PTPRD: variants seen among roughly 807,000 people sequenced by gnomAD.
PTPRD encodes protein tyrosine phosphatase receptor type D.
PTPRD carries 34 observed loss-of-function variants against 214.5 expected under a neutral mutation model. The observed-to-expected ratio is 0.16, with a 90% confidence interval of 0.12 to 0.21. The LOEUF (loss-of-function observed/expected upper bound fraction) is 0.21. Ranked by LOEUF, PTPRD falls within the 10% of genes least tolerant of loss-of-function variation. The probability of loss-of-function intolerance (pLI) is 1.00; values close to 1 mark genes in which losing one functional copy is unlikely to be tolerated. For missense variants in PTPRD, 2,545 were observed against 2,398.7 expected (o/e 1.06, Z -1.27); for synonymous variants, 1,128 against 845.7 (o/e 1.33, Z -5.79).
intron 41 of PTPRD, 23 bp downstream of exon 41, chr9:8,341,067 G>A (rs1852000043): frequency 6.4e-7 from 1 of 1,562,330 alleles, no homozygotes; most frequent in Non-Finnish European, 8.7e-7. Context: ...GCTTTGGATA[G>A]TCAGGGGAGC....
In PTPRD at chr9:8,317,034, A is replaced by AAAAC. The variant is rs1186846880; in HGVS notation, c.*836_*839dup. The AAAAC allele has an allele frequency of 1.3e-4, 30 of 231,632 alleles. No homozygotes were observed. Among genetic ancestry groups the AAAAC allele is most frequent in the Non-Finnish European group, 2.3e-4 (27 of 116,834 alleles). 14.3% of individuals were successfully genotyped at this position (231,632 alleles called of 1,614,324 possible). ...GCGCCTCCCTGTTGATTCCAAAAAC[A>AAAAC]AAACAAAATAATAATTATCTTTGAT... On this transcript the variant is annotated 3_prime_UTR_variant, in exon 46 of 46. Transcript: ENST00000381196.
At chr9:8,850,776 G>A (rs1254222553) in intron 11 of PTPRD, among the ~76,000 whole-genome samples, 1 of 152,174 alleles carries the variant, frequency 6.6e-6, no homozygotes, top group Non-Finnish European at 1.5e-5. Flanking sequence ...TTTCAGTTAA[G>A]TTACTACTAC....
chr9:9,398,555 T>C (rs571628956), intron 8 of PTPRD, among the ~76,000 whole-genome samples: 2 of 152,160 alleles, frequency 1.3e-5, no homozygotes, highest in East Asian at 3.9e-4. Context: ...AACTTGACTG[T>C]TAAAGTCATA....
intron 7 of PTPRD, among the ~76,000 whole-genome samples, chr9:9,601,143 GTGTGTGTA>G (rs371528680): frequency 8.5e-6 from 1 of 117,332 alleles, no homozygotes; most frequent in Non-Finnish European, 1.8e-5. Context: ...GTGTGTGTGT[GTGTGTGTA>G]TGGGGGGGGG....
intron 2 of PTPRD, among the ~76,000 whole-genome samples, chr9:10,549,386 G>T (rs553757689): frequency 6.6e-6 from 1 of 152,100 alleles, no homozygotes; most frequent in Non-Finnish European, 1.5e-5. Flanking sequence ...AAAAAGGAAA[G>T]GGGAAAGTTG....
chr9:9,041,654 G>A (rs529778660), intron 10 of PTPRD, among the ~76,000 whole-genome samples: 3 of 152,292 alleles, frequency 2.0e-5, no homozygotes, highest in South Asian at 2.1e-4. Flanking sequence ...ACTCAAATGA[G>A]TAAATACATT....
intron 3 of PTPRD, among the ~76,000 whole-genome samples, chr9:10,220,912 G>A (rs2498603): frequency 0.15 from 22,420 of 151,480 alleles, 1,799 homozygotes; most frequent in African/African-American, 0.22. Context: ...AGGGCACAAG[G>A]AAGAAATGGA....
intron 2 of PTPRD, among the ~76,000 whole-genome samples, chr9:10,564,924 T>G (rs369154885): frequency 6.6e-6 from 1 of 152,162 alleles, no homozygotes; most frequent in Non-Finnish European, 1.5e-5. Flanking sequence ...TCATCTTCTC[T>G]CTTTCATAAA....
At chr9:8,650,137 C>G (rs1021948475) in intron 12 of PTPRD, among the ~76,000 whole-genome samples, 1 of 152,082 alleles carries the variant, frequency 6.6e-6, no homozygotes, top group African/African-American at 2.4e-5. Flanking sequence ...AGACTGGTCT[C>G]AAATTCCTGG....
At chr9:9,338,443 CA>C (rs1227612300) in intron 9 of PTPRD, among the ~76,000 whole-genome samples, 2 of 152,068 alleles carry the variant, frequency 1.3e-5, no homozygotes, top group Admixed American at 1.3e-4. Flanking sequence ...TTTTACAAAA[CA>C]AGAAAGGCTT....
chr9:10,182,026 C>G (rs367825446), intron 3 of PTPRD, among the ~76,000 whole-genome samples: 41 of 143,076 alleles, frequency 2.9e-4, no homozygotes, highest in African/African-American at 1.1e-3. Context: ...GAGGCCAAGG[C>G]AGGCAGATCA....
intron 7 of PTPRD, among the ~76,000 whole-genome samples, chr9:9,706,978 GATAAA>G (rs1385361116): frequency 1.3e-5 from 2 of 152,030 alleles, no homozygotes; most frequent in Admixed American, 6.6e-5. Context: ...TATCAGCAAA[GATAAA>G]ATAGAATAAG....
chr9:9,147,351 T>A (rs1451359647), intron 10 of PTPRD, among the ~76,000 whole-genome samples: 3 of 151,994 alleles, frequency 2.0e-5, no homozygotes, highest in African/African-American at 7.2e-5. Context: ...ATACTGTTAT[T>A]CTTTTTTTAA....
chr9:9,808,208 A>C (rs577463616), intron 5 of PTPRD, among the ~76,000 whole-genome samples: 1 of 152,314 alleles, frequency 6.6e-6, no homozygotes, highest in East Asian at 1.9e-4. Flanking sequence ...GGGCACAGAG[A>C]ACGATTCTCC....
intron 9 of PTPRD, among the ~76,000 whole-genome samples, chr9:9,366,662 T>TA (rs2057969956): frequency 6.6e-6 from 1 of 151,542 alleles, no homozygotes; most frequent in South Asian, 2.1e-4. Context: ...TCATACCAGT[T>TA]ACATTTCTTA....
At chr9:10,281,295 C>T (rs2095096300) in intron 3 of PTPRD, among the ~76,000 whole-genome samples, 1 of 151,818 alleles carries the variant, frequency 6.6e-6, no homozygotes, top group Non-Finnish European at 1.5e-5. Flanking sequence ...ATGTAGATAC[C>T]AAAAATTATT....
chr9:8,761,294 C>A (rs373748753), intron 11 of PTPRD, among the ~76,000 whole-genome samples: 9 of 152,100 alleles, frequency 5.9e-5, no homozygotes, highest in African/African-American at 2.2e-4. Context: ...GAGACTAGGA[C>A]ACTCTAGCAG....
chr9:10,349,285 C>G (rs768223451), intron 2 of PTPRD, among the ~76,000 whole-genome samples: 1 of 151,486 alleles, frequency 6.6e-6, no homozygotes. Context: ...TTAACTTTGG[C>G]AAATAAACCT....
chr9:10,217,087 G>A (rs2099545161), intron 3 of PTPRD, among the ~76,000 whole-genome samples: 1 of 151,828 alleles, frequency 6.6e-6, no homozygotes, highest in Non-Finnish European at 1.5e-5. Flanking sequence ...TGACTCTTCT[G>A]TTCCTTATTT....
Sources: allele counts gnomAD v4.1 joint callset (sites outside exome capture counted in the v4.1 genomes callset), GRCh38; gene constraint gnomAD v4.1.1; transcripts MANE v1.5; gene names NCBI Gene and HGNC (gene_info 2026-07-23, HGNC 2026-07-21).